The following INPP4B variants were observed in gnomAD, a reference collection of about 807,000 sequenced individuals.
INPP4B encodes the protein inositol polyphosphate 4-phosphatase type II.
INPP4B carries 55 observed loss-of-function variants against 122.5 expected under a neutral mutation model. The ratio of observed to expected loss-of-function variants is 0.45; its 90% CI spans 0.36 to 0.56. The LOEUF is 0.56. Among genes scored for constraint, INPP4B ranks in the 20% least tolerant of loss-of-function variants. The pLI is 0.00. For missense variants in INPP4B, 1,000 were observed against 1,097.7 expected (o/e 0.91, Z 1.26); for synonymous variants, 403 against 388.7 (o/e 1.04, Z -0.43).
intron 17 of INPP4B, among the ~76,000 whole-genome samples, chr4:142,157,101 G>A (rs1381497742): frequency 6.6e-6 from 1 of 152,028 alleles, no homozygotes; most frequent in Non-Finnish European, 1.5e-5. Context: ...AATCAGCACT[G>A]AAACTTTTCT....
At chr4:142,108,580 C>T (rs139097055) in intron 22 of INPP4B, among the ~76,000 whole-genome samples, 210 of 152,218 alleles carry the variant, frequency 1.4e-3, no homozygotes, top group African/African-American at 4.7e-3. Context: ...CCATTTCACT[C>T]GTGGCAGCTG....
chr4:142,252,351 G>C (rs1367337338), intron 11 of INPP4B, among the ~76,000 whole-genome samples: 1 of 151,612 alleles, frequency 6.6e-6, no homozygotes, highest in Non-Finnish European at 1.5e-5. Context: ...ACCACGCCCG[G>C]CTAATTTTTT....
chr4:142,594,534 G>A (rs192718983), intron 2 of INPP4B, among the ~76,000 whole-genome samples: 1 of 152,238 alleles, frequency 6.6e-6, no homozygotes, highest in East Asian at 1.9e-4. Context: ...GGTTAGTAAG[G>A]TGTGAAACTG....
intron 7 of INPP4B, among the ~76,000 whole-genome samples, chr4:142,398,376 T>TA (rs1183246808): frequency 2.4e-3 from 21 of 8,862 alleles, no homozygotes; most frequent in Non-Finnish European, 3.4e-3. Context: ...AGACTCTGTC[T>TA]AAAAAAAAAA....
intron 11 of INPP4B, 84 bp from the exon 12 acceptor site, chr4:142,238,095 G>C (rs1857447197): frequency 1.0e-5 from 6 of 595,900 alleles, no homozygotes; most frequent in Non-Finnish European, 1.7e-5. Context: ...CATTAATCAA[G>C]ATGGCATTTT....
chr4:142,115,937 C>T (rs1389504248), intron 21 of INPP4B, among the ~76,000 whole-genome samples: 3 of 151,978 alleles, frequency 2.0e-5, no homozygotes, highest in Admixed American at 6.6e-5. Context: ...CAGAGACACA[C>T]ATAGGCTCAA....
At chr4:142,602,520 AAAAC>A (rs1740255273) in intron 2 of INPP4B, among the ~76,000 whole-genome samples, 2 of 152,200 alleles carry the variant, frequency 1.3e-5, no homozygotes, top group Admixed American at 1.3e-4. Flanking sequence ...ATTTACAAGA[AAAAC>A]AAACAACCCC....
intron 2 of INPP4B, among the ~76,000 whole-genome samples, chr4:142,723,006 T>C (rs1443161361): frequency 7.0e-6 from 1 of 141,988 alleles, no homozygotes; most frequent in Non-Finnish European, 1.5e-5. Context: ...TCTCAACATG[T>C]ATCACATCTG....
chr4:142,135,428 TA>T (rs139128091), intron 18 of INPP4B, among the ~76,000 whole-genome samples: 12,347 of 152,202 alleles, frequency 0.081, 1,774 homozygotes, highest in African/African-American at 0.28. Context: ...AAAAGTGAGA[TA>T]TTTTATATAA....
At chr4:142,070,704 G>T (rs1261390410) in intron 25 of INPP4B, among the ~76,000 whole-genome samples, 1 of 152,138 alleles carries the variant, frequency 6.6e-6, no homozygotes. Context: ...TAGACAGACA[G>T]AGAGCCAAAT....
intron 23 of INPP4B, among the ~76,000 whole-genome samples, chr4:142,096,344 G>A (rs894000200): frequency 3.3e-5 from 5 of 152,222 alleles, no homozygotes; most frequent in Admixed American, 3.3e-4. Flanking sequence ...AAGATTTGAC[G>A]ACTGTAATTT....
intron 25 of INPP4B, among the ~76,000 whole-genome samples, chr4:142,076,609 T>C (rs1037855666): frequency 1.3e-5 from 2 of 152,022 alleles, no homozygotes; most frequent in Admixed American, 6.6e-5. Flanking sequence ...GGAAGACCTG[T>C]TCCCAATTAC....
In INPP4B at chr4:142,806,750, AG is replaced by A. The variant is rs1554013512; in HGVS notation, c.-254+39458del. Among the ~76,000 whole-genome samples, 164 of 137,992 alleles carry A rather than the reference AG, an allele frequency of 1.2e-3. 1 individual carries two copies. Among genetic ancestry groups the A allele is most frequent in the African/African-American group, 4.0e-3 (147 of 36,662 alleles). The allele number at this position is 137,992 out of a possible 152,430, so 90.5% of individuals were successfully genotyped here. A position where few individuals can be genotyped will look rare whatever the true frequency, so the allele number is the denominator to read the frequency against. On this transcript the variant is annotated intron_variant, in intron 1 of 25. Transcript: ENST00000262992. ...CAGAGCAAGACCCTGTTAAAAAAAA[AG>A]AAGAAGAAGAAAGAAGAAAGAAAGA...
intron 1 of INPP4B, among the ~76,000 whole-genome samples, chr4:142,801,193 G>C (rs1777958072): frequency 6.6e-6 from 1 of 152,184 alleles, no homozygotes; most frequent in African/African-American, 2.4e-5. Flanking sequence ...GGTGGTTGCA[G>C]TAATCTAAGC....
intron 1 of INPP4B, among the ~76,000 whole-genome samples, chr4:142,833,803 A>G (rs1037943242): frequency 1.3e-5 from 2 of 152,178 alleles, no homozygotes; most frequent in African/African-American, 2.4e-5. Flanking sequence ...AGCCAAAATC[A>G]AAAGCATGCA....
At chr4:142,822,317 A>G (rs1169837779) in intron 1 of INPP4B, among the ~76,000 whole-genome samples, 1 of 152,172 alleles carries the variant, frequency 6.6e-6, no homozygotes, top group Non-Finnish European at 1.5e-5. Flanking sequence ...CATTTCACAG[A>G]TGAGGAAACA....
chr4:142,169,538 T>G (rs538220835), intron 16 of INPP4B, among the ~76,000 whole-genome samples: 14 of 151,786 alleles, frequency 9.2e-5, no homozygotes, highest in Admixed American at 2.6e-4. Context: ...AAAACAACAT[T>G]GCTTGAAAAC....
intron 2 of INPP4B, among the ~76,000 whole-genome samples, chr4:142,707,414 T>C (rs1470156775): frequency 6.6e-6 from 1 of 152,340 alleles, no homozygotes; most frequent in Non-Finnish European, 1.5e-5. Context: ...TTTGGATTTG[T>C]GTCCCACTTA....
intron 7 of INPP4B, among the ~76,000 whole-genome samples, chr4:142,348,755 C>A (rs1312068207): frequency 6.6e-6 from 1 of 152,022 alleles, no homozygotes; most frequent in Admixed American, 6.6e-5. Context: ...GAGTCCTTCC[C>A]TCTATAGCCA....
Sources: allele counts gnomAD v4.1 joint callset (sites outside exome capture counted in the v4.1 genomes callset), GRCh38; gene constraint gnomAD v4.1.1; transcripts MANE v1.5; gene names NCBI Gene and HGNC (gene_info 2026-07-23, HGNC 2026-07-21).